The following DLGAP2 variants were observed in gnomAD, a reference collection of about 807,000 sequenced individuals.
The protein encoded by DLGAP2 is disks large-associated protein 2.
Under a neutral mutation model 100.3 loss-of-function variants are expected in DLGAP2, and 26 were observed. That is an observed-to-expected ratio of 0.26 (90% CI 0.19 to 0.36). The LOEUF (loss-of-function observed/expected upper bound fraction) is 0.36, where lower values mean the gene tolerates loss of function less well. Ranked by LOEUF, DLGAP2 falls within the 10% of genes least tolerant of loss-of-function variation. The probability of loss-of-function intolerance (pLI) is 1.00; values close to 1 mark genes in which losing one functional copy is unlikely to be tolerated. For missense variants in DLGAP2, 1,858 were observed against 1,453.2 expected, an observed-to-expected ratio of 1.28 and a Z score of -4.53; for synonymous variants, 886 against 630.1, an observed-to-expected ratio of 1.41 and a Z score of -6.08.
chr8:1,522,188 G>A (rs1020967111), intron 4 of DLGAP2, among the ~76,000 whole-genome samples: 1 of 152,198 alleles, frequency 6.6e-6, no homozygotes, highest in Non-Finnish European at 1.5e-5. Context: ...TGTCCTCTTC[G>A]GTGGGGTCCA....
chr8:1,537,743 A>AAGGAAGGG, intron 4 of DLGAP2, among the ~76,000 whole-genome samples: 1 of 138,568 alleles, frequency 7.2e-6, no homozygotes, highest in South Asian at 2.2e-4. Flanking sequence ...GGAAGGAAGG[A>AAGGAAGGG]AGGAAGGAAG....
At chr8:1,194,626 A>T (rs983329384) in intron 2 of DLGAP2, among the ~76,000 whole-genome samples, 6 of 152,160 alleles carry the variant, frequency 3.9e-5, no homozygotes, top group Admixed American at 2.0e-4. Context: ...CTGGAAGCCG[A>T]GTCCTTGCTA....
intron 2 of DLGAP2, among the ~76,000 whole-genome samples, chr8:1,205,021 G>A (rs73538074): frequency 0.033 from 5,062 of 152,208 alleles, 284 homozygotes; most frequent in African/African-American, 0.12. Context: ...AAACGGAGCC[G>A]TAATTGCAGT....
intron 1 of DLGAP2, among the ~76,000 whole-genome samples, chr8:810,990 G>A (rs190879508): frequency 5.3e-5 from 8 of 152,272 alleles, no homozygotes; most frequent in South Asian, 2.1e-4. Context: ...TGAACTTGAG[G>A]CTGTGAGCTT....
chr8:1,381,970 C>T (rs993619932), intron 3 of DLGAP2, among the ~76,000 whole-genome samples: 44 of 152,062 alleles, frequency 2.9e-4, no homozygotes, highest in African/African-American at 1.1e-3. Flanking sequence ...TTTTAGATTA[C>T]ATTTATGCAA....
At chr8:924,265 G>C (rs1200253446) in intron 2 of DLGAP2, among the ~76,000 whole-genome samples, 1 of 152,218 alleles carries the variant, frequency 6.6e-6, no homozygotes, top group African/African-American at 2.4e-5. Flanking sequence ...GCCCTTCCTA[G>C]GTGATGTGGG....
At chr8:903,487 A>G (rs957837038) in intron 1 of DLGAP2, among the ~76,000 whole-genome samples, 4 of 150,888 alleles carry the variant, frequency 2.7e-5, no homozygotes, top group Non-Finnish European at 4.4e-5. Context: ...GTGTAGAGCT[A>G]GTAACGACGG....
intron 2 of DLGAP2, among the ~76,000 whole-genome samples, chr8:1,151,558 G>C (rs7000565): frequency 6.6e-6 from 1 of 152,110 alleles, no homozygotes; most frequent in African/African-American, 2.4e-5. Flanking sequence ...TGACGATTCC[G>C]GTTGTTCTTT....
intron 2 of DLGAP2, among the ~76,000 whole-genome samples, chr8:1,170,856 T>C (rs1797114036): frequency 3.4e-5 from 5 of 146,788 alleles, no homozygotes; most frequent in Admixed American, 2.8e-4. Flanking sequence ...ATTAATTTTT[T>C]GAAGGGTTTT....
chr8:999,141 C>G lies in DLGAP2; in HGVS notation c.73+91175C>G, dbSNP rs781472233. Among the ~76,000 whole-genome samples the G allele has an allele frequency of 2.3e-4, 35 of 151,966 alleles. 1 individual carries two copies. The highest frequency in any genetic ancestry group is 4.1e-4 in the Non-Finnish European group (28 of 68,018). ...AGGACATTTTCTGATATTTGTTATT[C>G]TGCACAAAGTTGAGAGTACAGTTAG... On this transcript the variant is annotated intron_variant, in intron 2 of 14. Coordinates refer to ENST00000637795, the MANE Select transcript of DLGAP2 (RefSeq NM_001346810.2).
chr8:760,696 C>A (rs945184661), intron 1 of DLGAP2, among the ~76,000 whole-genome samples: 1 of 152,172 alleles, frequency 6.6e-6, no homozygotes, highest in African/African-American at 2.4e-5. Flanking sequence ...TCTAGAAACT[C>A]ACAAAGGTGT....
intron 2 of DLGAP2, among the ~76,000 whole-genome samples, chr8:1,231,174 G>T (rs1798527086): frequency 1.3e-5 from 2 of 152,016 alleles, no homozygotes; most frequent in Non-Finnish European, 2.9e-5. Context: ...ATTAAAATTG[G>T]ACAAAAGACA....
chr8:1,527,011 A>G (rs1584892512), intron 4 of DLGAP2, among the ~76,000 whole-genome samples: 2 of 152,134 alleles, frequency 1.3e-5, no homozygotes, highest in African/African-American at 4.8e-5. Flanking sequence ...ACGACTTCGC[A>G]TCGTCTACAT....
chr8:1,622,008 A>G (rs1390508468), intron 6 of DLGAP2: 1 of 152,240 alleles, frequency 6.6e-6, no homozygotes, highest in Non-Finnish European at 1.5e-5. Flanking sequence ...ATGATCTGGA[A>G]AGAAGCCATT....
At chr8:1,575,455 TTTATTATTATTATTATTA>T (rs56350882) in intron 6 of DLGAP2, among the ~76,000 whole-genome samples, 5 of 141,202 alleles carry the variant, frequency 3.5e-5, no homozygotes, top group African/African-American at 1.3e-4. Context: ...GAGGATATTC[TTTATTATTATTATTATTA>T]TTATTATTAT....
At chr8:1,072,989 C>G (rs1464146357) in intron 2 of DLGAP2, among the ~76,000 whole-genome samples, 1 of 152,172 alleles carries the variant, frequency 6.6e-6, no homozygotes, top group East Asian at 1.9e-4. Context: ...CTGTATCCGA[C>G]TAATTATCAC....
At chr8:1,504,999 CAAAA>C (rs1799856386) in intron 4 of DLGAP2, among the ~76,000 whole-genome samples, 1 of 151,818 alleles carries the variant, frequency 6.6e-6, no homozygotes, top group East Asian at 1.9e-4. Context: ...GCAAAAAACA[CAAAA>C]AGAAAGGAAG....
intron 2 of DLGAP2, among the ~76,000 whole-genome samples, chr8:997,961 A>G (rs1040701860): frequency 6.6e-6 from 1 of 152,178 alleles, no homozygotes; most frequent in Non-Finnish European, 1.5e-5. Context: ...TCACACATGC[A>G]TACACGCATG....
chr8:751,550 G>T (rs954180984), intron 1 of DLGAP2, among the ~76,000 whole-genome samples: 3 of 152,136 alleles, frequency 2.0e-5, no homozygotes, highest in Non-Finnish European at 2.9e-5. Flanking sequence ...TCTCTTTCTG[G>T]TCCTTATAGT....
Sources: allele counts gnomAD v4.1 joint callset (sites outside exome capture counted in the v4.1 genomes callset), GRCh38; gene constraint gnomAD v4.1.1; transcripts MANE v1.5; gene names NCBI Gene and HGNC (gene_info 2026-07-23, HGNC 2026-07-21).